The following SAMMSON variants were observed in gnomAD, a reference collection of about 807,000 sequenced individuals.
The protein encoded by SAMMSON is survival associated mitochondrial melanoma specific oncogenic non-coding RNA, also known as long intergenic non-protein coding RNA 1212.
intron 4 of SAMMSON, among the ~76,000 whole-genome samples, chr3:70,135,795 T>C (rs150511013): frequency 3.9e-5 from 6 of 152,320 alleles, no homozygotes; most frequent in African/African-American, 1.4e-4. Context: ...TGTATATACT[T>C]TGTCAAGAAA....
chr3:70,051,747 TGGTGG>T (rs1559781331), intron 3 of SAMMSON, among the ~76,000 whole-genome samples: 1 of 52,392 alleles, frequency 1.9e-5, no homozygotes, highest in Non-Finnish European at 3.7e-5. Flanking sequence ...AAATTTATGT[TGGTGG>T]AGTTCTGACA....
intron 3 of SAMMSON, among the ~76,000 whole-genome samples, chr3:70,032,649 G>C (rs1040640207): frequency 3.9e-5 from 6 of 152,182 alleles, no homozygotes; most frequent in African/African-American, 1.4e-4. Flanking sequence ...TTGATGGTTA[G>C]TACCATGGAA....
At chr3:70,312,001 A>C in intron 7 of SAMMSON, 1 of 397,598 alleles carries the variant, frequency 2.5e-6, no homozygotes, top group Non-Finnish European at 4.4e-6. Flanking sequence ...TTGTGATATA[A>C]AAAATTCATT....
chr3:70,288,970 G>A (rs1464366028), intron 6 of SAMMSON, among the ~76,000 whole-genome samples: 2 of 152,014 alleles, frequency 1.3e-5, no homozygotes, highest in Non-Finnish European at 2.9e-5. Flanking sequence ...CGTGAGATGG[G>A]TTTCCTGAAT....
intron 4 of SAMMSON, among the ~76,000 whole-genome samples, chr3:70,201,514 C>T (rs560969572): frequency 6.6e-6 from 1 of 152,274 alleles, no homozygotes; most frequent in South Asian, 2.1e-4. Flanking sequence ...CCACATACAG[C>T]TTACACAGGC....
At chr3:70,281,766 C>A (rs1702086144) in intron 6 of SAMMSON, among the ~76,000 whole-genome samples, 1 of 152,154 alleles carries the variant, frequency 6.6e-6, no homozygotes, top group East Asian at 1.9e-4. Context: ...CTCTGCAAAG[C>A]TTTCTCTGAT....
Position 70,360,200 on chromosome 3 carries a change from G to T in SAMMSON, n.913+1876G>T, listed in dbSNP as rs117809633. Reference sequence around the variant, plus strand: ...TTTAATAGAAAGGAGAAGAGCAAAAGATCTCCCGCCACCATTTTGTTTCAT... The same window carrying T: ...TTTAATAGAAAGGAGAAGAGCAAAATATCTCCCGCCACCATTTTGTTTCAT... On this transcript the variant is annotated intron_variant and non_coding_transcript_variant, in intron 9 of 9. Coordinates refer to ENST00000642114, the Ensembl canonical transcript of SAMMSON. 9.9e-5 allele frequency among the ~76,000 whole-genome samples: 15 copies of T among 152,186 alleles called. No individual in the cohort carries two copies. In the East Asian group the frequency reaches 2.3e-3, roughly 23 times the overall value.
At chr3:70,400,748 T>C (rs1263966803) in intron 2 of SAMMSON, among the ~76,000 whole-genome samples, 1 of 151,966 alleles carries the variant, frequency 6.6e-6, no homozygotes, top group African/African-American at 2.4e-5. Context: ...CTGGCCAACA[T>C]GGTGAAATAC....
chr3:70,025,837 A>T (rs987712401), intron 3 of SAMMSON, among the ~76,000 whole-genome samples: 1 of 152,178 alleles, frequency 6.6e-6, no homozygotes, highest in Non-Finnish European at 1.5e-5. Flanking sequence ...GAGAAAAGAA[A>T]ATGTTATTAA....
At chr3:70,352,369 A>T (rs1378244537) in intron 7 of SAMMSON, among the ~76,000 whole-genome samples, 1 of 152,130 alleles carries the variant, frequency 6.6e-6, no homozygotes. Flanking sequence ...AGCATTTTTC[A>T]ATACTGAAAG....
intron 9 of SAMMSON, among the ~76,000 whole-genome samples, chr3:70,386,080 A>G (rs188851955): frequency 3.3e-5 from 5 of 152,240 alleles, no homozygotes; most frequent in African/African-American, 1.2e-4. Flanking sequence ...GCTTGCCTCC[A>G]TGCTTTGGGA....
At chr3:70,342,238 T>G (rs748496829) in intron 7 of SAMMSON, among the ~76,000 whole-genome samples, 8 of 152,206 alleles carry the variant, frequency 5.3e-5, no homozygotes, top group Non-Finnish European at 1.2e-4. Context: ...TTTTTTTCTT[T>G]GCAAAAACTG....
At chr3:70,015,247 C>T (rs2066978012) in intron 3 of SAMMSON, 1 of 152,106 alleles carries the variant, frequency 6.6e-6, no homozygotes, top group Non-Finnish European at 1.5e-5. Flanking sequence ...TGCCACTGCA[C>T]TGCAGCTTGG....
At chr3:70,209,248 T>G (rs963662711) in intron 4 of SAMMSON, among the ~76,000 whole-genome samples, 2 of 152,048 alleles carry the variant, frequency 1.3e-5, no homozygotes, top group African/African-American at 4.8e-5. Context: ...AGTGGTATCG[T>G]AGTCTTTTAT....
chr3:70,081,027 A>G (rs1201107699), intron 4 of SAMMSON, among the ~76,000 whole-genome samples: 3 of 152,336 alleles, frequency 2.0e-5, no homozygotes, highest in Non-Finnish European at 4.4e-5. Context: ...AGGTATTCCC[A>G]GATATCTTAG....
At chr3:70,373,133 G>C (rs1702985096) in intron 9 of SAMMSON, among the ~76,000 whole-genome samples, 1 of 151,388 alleles carries the variant, frequency 6.6e-6, no homozygotes, top group Non-Finnish European at 1.5e-5. Flanking sequence ...TTTTCTTTCT[G>C]TTTATAAACC....
intron 4 of SAMMSON, among the ~76,000 whole-genome samples, chr3:70,193,646 C>G (rs1701148479): frequency 6.6e-6 from 1 of 152,104 alleles, no homozygotes; most frequent in African/African-American, 2.4e-5. Flanking sequence ...TCAAAAAACA[C>G]CCAATAAACT....
chr3:70,033,585 G>GT (rs2067073957), intron 3 of SAMMSON, among the ~76,000 whole-genome samples: 1 of 152,182 alleles, frequency 6.6e-6, no homozygotes, highest in Admixed American at 6.5e-5. Flanking sequence ...TATCTTGCAA[G>GT]TAACAGCCAG....
intron 8 of SAMMSON, among the ~76,000 whole-genome samples, chr3:70,355,978 C>A (rs1559571257): frequency 6.6e-6 from 1 of 152,104 alleles, no homozygotes; most frequent in Non-Finnish European, 1.5e-5. Context: ...GACAAAAAGA[C>A]ATACATTTGT....
Sources: allele counts gnomAD v4.1 joint callset (sites outside exome capture counted in the v4.1 genomes callset), GRCh38; gene constraint gnomAD v4.1.1; transcripts MANE v1.5; gene names NCBI Gene and HGNC (gene_info 2026-07-23, HGNC 2026-07-21).